Variants in ESR2 observed in about 807,000 individuals in gnomAD.
The protein encoded by ESR2 is estrogen receptor 2, also known as estrogen receptor beta.
ESR2 carries 36 observed loss-of-function variants against 49.6 expected under a neutral mutation model. That is an observed-to-expected ratio of 0.73 (90% CI 0.56 to 0.96). The LOEUF (loss-of-function observed/expected upper bound fraction) is 0.96. Among genes scored for constraint, ESR2 ranks in the 40% least tolerant of loss-of-function variants. The probability of loss-of-function intolerance (pLI) is 0.00; values close to 1 mark genes in which losing one functional copy is unlikely to be tolerated. For missense variants in ESR2, 714 were observed against 693.0 expected (o/e 1.03, Z -0.34); for synonymous variants, 320 against 266.1 (o/e 1.20, Z -1.97).
chr14:64,280,785 G>A (rs973556984), intron 2 of ESR2, among the ~76,000 whole-genome samples: 3 of 152,192 alleles, frequency 2.0e-5, no homozygotes, highest in South Asian at 4.1e-4. Context: ...CAAGGTGGGC[G>A]TATCACCTGA....
At chr14:64,277,955 G>A (rs1027859541) in intron 3 of ESR2, among the ~76,000 whole-genome samples, 2 of 138,876 alleles carry the variant, frequency 1.4e-5, no homozygotes, top group African/African-American at 5.8e-5. Flanking sequence ...GTTTCAAGCA[G>A]ACCAATGTTT....
rs2075947041 is a variant in ESR2, at chr14:64,249,600, T to C, written c.1171A>G (p.Lys391Glu). Residue 391 changes from lysine to glutamate, a missense_variant, in exon 7 of 9, where the codon AAA becomes GAA. Physicochemically the swap from Lys to Glu is moderately conservative, Grantham distance 56. Transcript: ENST00000341099. The stretch of plus-strand genomic sequence containing the variant: ...CAGAGATATTCTTTGTGTTGGAGTT[T>C]TAACTCTCGAAACCTTGAAGTAGTT... The part of the protein sequence containing the change: ...LATTSRFREL[K>E]LQHKEYLCVK... The C allele has an allele frequency of 1.9e-6, 3 of 1,613,964 alleles. No individual in the cohort carries two copies. Among genetic ancestry groups the C allele is most frequent in the African/African-American group, 2.7e-5 (2 of 74,926 alleles).
chr14:64,264,342 T>C (rs2076280069), intron 4 of ESR2, among the ~76,000 whole-genome samples: 1 of 152,202 alleles, frequency 6.6e-6, no homozygotes, highest in African/African-American at 2.4e-5. Context: ...TCAGAAAATT[T>C]GAACCAAATT....
At chr14:64,294,416 G>A (rs549397346), upstream of ESR2, 1 of 152,524 alleles carries the variant, frequency 6.6e-6, no homozygotes, top group East Asian at 1.9e-4. Context: ...CCGAGAGGAG[G>A]GTAGAGGGGA....
At chr14:64,286,413 G>A (rs2076786213) in intron 1 of ESR2, among the ~76,000 whole-genome samples, 1 of 151,534 alleles carries the variant, frequency 6.6e-6, no homozygotes, top group Admixed American at 6.6e-5. Flanking sequence ...TGCTTCTCCT[G>A]CCTCAGCCTC....
At chr14:64,307,200 A>ATTT (rs1567793663) in intron 1 of ESR2, among the ~76,000 whole-genome samples, 16 of 150,864 alleles carry the variant, frequency 1.1e-4, no homozygotes, top group East Asian at 3.9e-4. Flanking sequence ...AATTTAATTT[A>ATTT]ATTTATTTAT....
At chr14:64,335,010 T>G (rs1188125131) in intron 1 of ESR2, among the ~76,000 whole-genome samples, 1 of 152,216 alleles carries the variant, frequency 6.6e-6, no homozygotes, top group African/African-American at 2.4e-5. Flanking sequence ...CCTAAAATAT[T>G]TTTAATAAAT....
chr14:64,308,706 T>C (rs924922722), intron 1 of ESR2, among the ~76,000 whole-genome samples: 27 of 152,198 alleles, frequency 1.8e-4, no homozygotes, highest in Admixed American at 1.7e-3. Context: ...TAATTATTTT[T>C]TATGATTGTA....
intron 4 of ESR2, 120 bp from the exon 5 acceptor site, chr14:64,260,868 C>A (rs2076206912): frequency 3.3e-6 from 3 of 913,784 alleles, no homozygotes; most frequent in Non-Finnish European, 4.5e-6. Context: ...ATGGTCGTGA[C>A]CGTACTAGCA....
At chr14:64,303,107 C>CCTA (rs1260573100) in intron 1 of ESR2, among the ~76,000 whole-genome samples, 4 of 152,120 alleles carry the variant, frequency 2.6e-5, no homozygotes, top group African/African-American at 9.7e-5. Flanking sequence ...GCCAAGAGAG[C>CCTA]CTACTGTTAA....
Position 64,279,866 on chromosome 14 carries a change from C to G in ESR2, c.535+115G>C. On this transcript the variant is annotated intron_variant, in intron 3 of 8. Coordinates refer to ENST00000341099, the MANE Select transcript of ESR2 (RefSeq NM_001437.3). The stretch of plus-strand genomic sequence containing the variant: ...ACACATGATCCTCTGAACTGCTCAT[C>G]AAATACTTTGTGTGCCAAACAGGCC... The G allele has an allele frequency of 3.5e-6, 3 of 858,836 alleles. No individual in the cohort carries two copies. In the South Asian group the frequency reaches 4.6e-5, roughly 13 times the overall value. The allele number at this position is 858,836 out of a possible 1,614,324, so 53.2% of individuals were successfully genotyped here. A position where few individuals can be genotyped will look rare whatever the true frequency, so the allele number is the denominator to read the frequency against.
chr14:64,230,597 C>A lies in ESR2; in HGVS notation c.*2540G>T, dbSNP rs532139270. On this transcript the variant is annotated 3_prime_UTR_variant, in exon 9 of 9. Coordinates refer to ENST00000341099, the MANE Select transcript of ESR2 (RefSeq NM_001437.3). ...CTGACAGCTTTGTCTTGTGTTCCCG[C>A]CTTAATTTTTTGAGAAAAATCCCTT... Among the ~76,000 whole-genome samples the A allele has an allele frequency of 1.3e-5, 2 of 152,070 alleles. No individual in the cohort carries two copies. The highest frequency in any genetic ancestry group is 6.8e-3 in the Middle Eastern group (2 of 294).
chr14:64,272,220 G>GCT, intron 3 of ESR2, among the ~76,000 whole-genome samples: 1 of 152,108 alleles, frequency 6.6e-6, no homozygotes, highest in Non-Finnish European at 1.5e-5. Context: ...TGTTTACTCA[G>GCT]CTCTTTTGCC....
intron 1 of ESR2, among the ~76,000 whole-genome samples, chr14:64,325,690 C>A (rs1472723407): frequency 2.0e-5 from 3 of 148,452 alleles, no homozygotes; most frequent in Non-Finnish European, 4.6e-5. Context: ...GACAGCAAGA[C>A]CAACCCCTCC....
At chr14:64,244,971 A>G (rs1053078603) in intron 7 of ESR2, among the ~76,000 whole-genome samples, 2 of 152,146 alleles carry the variant, frequency 1.3e-5, no homozygotes, top group African/African-American at 4.8e-5. Flanking sequence ...ACTGTTGTCC[A>G]ATGTCCAATA....
intron 2 of ESR2, 131 bp from the exon 3 acceptor site, chr14:64,280,284 C>T (rs964866017): frequency 2.9e-6 from 2 of 683,942 alleles, no homozygotes; most frequent in Non-Finnish European, 5.0e-6. Flanking sequence ...TAAATATATT[C>T]CCGGAAATCT....
At chr14:64,337,951 C>G (rs533548391) in exon 1 of ESR2, 1 of 152,792 alleles carries the variant, frequency 6.5e-6, no homozygotes, top group South Asian at 2.1e-4. Flanking sequence ...TCCAGCAGAG[C>G]AAGCACATTC....
intron 5 of ESR2, among the ~76,000 whole-genome samples, chr14:64,257,785 G>A (rs1038650724): frequency 6.6e-6 from 1 of 152,076 alleles, no homozygotes; most frequent in African/African-American, 2.4e-5. Flanking sequence ...GTGGAGGTTG[G>A]GGTTGGAGGC....
At chr14:64,275,099 T>C (rs1270549109) in intron 3 of ESR2, among the ~76,000 whole-genome samples, 1 of 152,230 alleles carries the variant, frequency 6.6e-6, no homozygotes, top group African/African-American at 2.4e-5. Flanking sequence ...TCTGTAAATA[T>C]CTATTAGGTC....
Sources: gnomAD v4.1 joint callset for allele counts (sites outside exome capture counted in the v4.1 genomes callset) on GRCh38, gnomAD v4.1.1 for gene constraint, MANE v1.5 for transcripts, NCBI Gene and HGNC (gene_info 2026-07-23, HGNC 2026-07-21) for gene names.